The following CCZ1B variants were observed in gnomAD, a reference collection of about 807,000 sequenced individuals.
CCZ1B encodes vacuolar fusion protein CCZ1 homolog B.
Under a neutral mutation model 58.8 loss-of-function variants are expected in CCZ1B, and 25 were observed. The ratio of observed to expected loss-of-function variants is 0.43; its 90% CI spans 0.31 to 0.59. The LOEUF (loss-of-function observed/expected upper bound fraction) is 0.59. Among genes scored for constraint, CCZ1B ranks in the 20% least tolerant of loss-of-function variants. CCZ1B has a pLI of 0.12. For missense variants in CCZ1B, 180 were observed against 501.5 expected, an observed-to-expected ratio of 0.36 and a Z score of 6.12; for synonymous variants, 66 against 173.2, an observed-to-expected ratio of 0.38 and a Z score of 4.86.
At chr7:6,804,256 C>G (rs1267326467) in intron 12 of CCZ1B, among the ~76,000 whole-genome samples, 1 of 121,996 alleles carries the variant, frequency 8.2e-6, no homozygotes, top group Non-Finnish European at 1.7e-5. Flanking sequence ...GAAACCGTCT[C>G]TACTAAAAAT....
At chr7:6,819,726 T>C in intron 7 of CCZ1B, 40 bp downstream of exon 7, 1 of 1,210,894 alleles carries the variant, frequency 8.3e-7, no homozygotes, top group Non-Finnish European at 1.1e-6. Context: ...TTTATTATCT[T>C]AATTTCTTCT....
intron 6 of CCZ1B, among the ~76,000 whole-genome samples, chr7:6,820,692 C>T (rs1234089752): frequency 2.0e-5 from 3 of 148,634 alleles, no homozygotes; most frequent in African/African-American, 5.1e-5. Flanking sequence ...GAGGCCAAGG[C>T]GGGCACATCA....
At chr7:6,818,635 A>AGAAAGAAAGACAGAC (rs1783052059) in intron 7 of CCZ1B, among the ~76,000 whole-genome samples, 1 of 108,412 alleles carries the variant, frequency 9.2e-6, no homozygotes, top group African/African-American at 3.2e-5. Flanking sequence ...AAAGAAAGAC[A>AGAAAGAAAGACAGAC]AGAAAGAAAG....
At chr7:6,812,335 A>G (rs1360729074) in intron 9 of CCZ1B, 2 of 403,900 alleles carry the variant, frequency 5.0e-6, no homozygotes, top group South Asian at 4.5e-5. Flanking sequence ...CTAAAACTAC[A>G]AAAATTAGCT....
intron 10 of CCZ1B, among the ~76,000 whole-genome samples, chr7:6,808,710 G>A (rs1422398213): frequency 1.3e-5 from 2 of 151,930 alleles, no homozygotes; most frequent in African/African-American, 2.4e-5. Flanking sequence ...GTCCAATTAT[G>A]ATTACTATTA....
chr7:6,823,230 T>C (rs371180702), intron 5 of CCZ1B, 83 bp downstream of exon 5: 63 of 1,563,538 alleles, frequency 4.0e-5, no homozygotes, highest in East Asian at 9.0e-5. Context: ...CAGTCATTTA[T>C]AGACTTCTCT....
At position 6,825,240 on chromosome 7, in the gene CCZ1B, G is replaced by GT. The variant is rs535339877; in HGVS notation, c.121-504dup. ...TCCCAGCCATTTGAACTGACAAGTT[G>GT]TTTTTTTTTTCTTTTTCTGGAGATG... On this transcript the variant is annotated intron_variant, in intron 1 of 14. Coordinates refer to ENST00000316731, the MANE Select transcript of CCZ1B (RefSeq NM_198097.5). Among the ~76,000 whole-genome samples, 475 of 140,520 alleles carry GT rather than the reference G, an allele frequency of 3.4e-3. 41 individuals are homozygous for GT. Among genetic ancestry groups the GT allele is most frequent in the African/African-American group, 0.012 (427 of 35,086 alleles). The allele number at this position is 140,520 out of a possible 152,430, so 92.2% of individuals were successfully genotyped here. A position where few individuals can be genotyped will look rare whatever the true frequency, so the allele number is the denominator to read the frequency against.
At chr7:6,819,123 GA>G (rs1173368085) in intron 7 of CCZ1B, among the ~76,000 whole-genome samples, 1,314 of 65,530 alleles carry the variant, frequency 0.02, 11 homozygotes, top group Middle Eastern at 0.062. Flanking sequence ...ATCTCTATAA[GA>G]AAAAAAAAAA....
intron 5 of CCZ1B, among the ~76,000 whole-genome samples, chr7:6,822,696 A>G (rs1200092802): frequency 7.2e-6 from 1 of 139,098 alleles, no homozygotes; most frequent in Non-Finnish European, 1.5e-5. Flanking sequence ...GAATCACCAA[A>G]CTTTTTATCC....
intron 7 of CCZ1B, among the ~76,000 whole-genome samples, chr7:6,815,853 A>G (rs934372838): frequency 4.1e-5 from 6 of 147,696 alleles, no homozygotes; most frequent in Non-Finnish European, 8.9e-5. Flanking sequence ...TCATTTTAGG[A>G]GCAGATGTCT....
chr7:6,812,858 C>G, intron 9 of CCZ1B, 118 bp downstream of exon 9: 2 of 1,543,132 alleles, frequency 1.3e-6, no homozygotes, highest in Admixed American at 2.0e-5. Flanking sequence ...CCCGGGGAGG[C>G]AGAGGTTGCA....
At chr7:6,805,275 G>GA in intron 11 of CCZ1B, 1 of 327,006 alleles carries the variant, frequency 3.1e-6, no homozygotes, top group Non-Finnish European at 5.0e-6. Context: ...GCTGACCGAG[G>GA]CACACCCTGT....
chr7:6,817,788 G>A (rs1398264488), intron 7 of CCZ1B, among the ~76,000 whole-genome samples: 2 of 149,554 alleles, frequency 1.3e-5, no homozygotes, highest in Non-Finnish European at 3.0e-5. Flanking sequence ...CGAGGTGGGC[G>A]GATCCTTTGA....
At position 6,822,305 on chromosome 7, in the gene CCZ1B, T is replaced by A. The variant is rs1367971927; in HGVS notation, c.498A>T (p.Glu166Asp). ...MEDGGVKLLK[E>D]RLEKFFHRYL... ...CCCGATGGAAGAATTTCTCTAATCTTTCTTTCAGAAGCTTGACGCCTCCGT... is the reference window on the plus strand; with the variant it reads ...CCCGATGGAAGAATTTCTCTAATCTATCTTTCAGAAGCTTGACGCCTCCGT... Residue 166 changes from glutamate (E) to aspartate (D), a missense_variant, in exon 6 of 15, where the codon GAA (glutamate) becomes GAT (aspartate). Physicochemically the swap from Glu to Asp is conservative, Grantham distance 45. Transcript: ENST00000316731. The A allele has an allele frequency of 6.3e-7, 1 of 1,589,080 alleles. No individual in the cohort carries two copies. Among genetic ancestry groups the A allele is most frequent in the Non-Finnish European group, 8.5e-7 (1 of 1,173,286 alleles).
intron 10 of CCZ1B, chr7:6,811,602 C>CA (rs1187821277): frequency 3.6e-6 from 1 of 275,202 alleles, no homozygotes; most frequent in Non-Finnish European, 6.9e-6. Context: ...AAAATCAGAG[C>CA]AAAAGCAGCA....
intron 4 of CCZ1B, 131 bp downstream of exon 4, chr7:6,823,958 T>G (rs1783155617): frequency 1.7e-6 from 1 of 600,782 alleles, no homozygotes; most frequent in African/African-American, 1.9e-5. Flanking sequence ...ATGATAAACA[T>G]AAACCTTTGC....
At chr7:6,817,324 C>G (rs1331829436) in intron 7 of CCZ1B, among the ~76,000 whole-genome samples, 4 of 151,486 alleles carry the variant, frequency 2.6e-5, no homozygotes, top group Non-Finnish European at 4.4e-5. Flanking sequence ...GAATGAGCTC[C>G]TGGAAGACCC....
chr7:6,810,569 C>T (rs1782903452), intron 10 of CCZ1B, among the ~76,000 whole-genome samples: 1 of 148,080 alleles, frequency 6.8e-6, no homozygotes, highest in Admixed American at 6.7e-5. Context: ...TCTCCTGCCT[C>T]AGCCTCCTGA....
intron 10 of CCZ1B, among the ~76,000 whole-genome samples, chr7:6,810,818 A>G (rs893609940): frequency 3.3e-5 from 5 of 149,378 alleles, no homozygotes; most frequent in African/African-American, 1.3e-4. Context: ...TGTCCTCGGA[A>G]TCATGTTTCT....
Sources: gnomAD v4.1 joint callset for allele counts (sites outside exome capture counted in the v4.1 genomes callset) on GRCh38, gnomAD v4.1.1 for gene constraint, MANE v1.5 for transcripts, NCBI Gene and HGNC (gene_info 2026-07-23, HGNC 2026-07-21) for gene names.